TAFA2: variants seen among roughly 807,000 people sequenced by gnomAD.
The protein encoded by TAFA2 is chemokine-like protein TAFA-2.
In TAFA2, 7 loss-of-function variants were observed where a neutral mutation model predicts 18.8. The ratio of observed to expected loss-of-function variants is 0.37; its 90% CI spans 0.21 to 0.70. The LOEUF is 0.70. TAFA2 is among the 30% of genes least tolerant of loss of function. TAFA2 has a pLI of 0.53. For missense variants in TAFA2, 122 were observed against 158.1 expected (o/e 0.77, Z 1.23); for synonymous variants, 60 against 54.2 (o/e 1.11, Z -0.47).
At chr12:62,131,614 T>C (rs1483480510) in intron 1 of TAFA2, among the ~76,000 whole-genome samples, 1 of 151,830 alleles carries the variant, frequency 6.6e-6, no homozygotes, top group Admixed American at 6.6e-5. Flanking sequence ...AACAAAGCAA[T>C]AGAAACACGA....
chr12:61,859,214 A>C (rs1157316088), intron 2 of TAFA2, among the ~76,000 whole-genome samples: 1 of 152,204 alleles, frequency 6.6e-6, no homozygotes, highest in African/African-American at 2.4e-5. Flanking sequence ...CAGGACCAGG[A>C]CGGAGTGAGT....
chr12:62,026,041 G>A (rs754432148), intron 1 of TAFA2, among the ~76,000 whole-genome samples: 7 of 151,974 alleles, frequency 4.6e-5, no homozygotes, highest in East Asian at 3.9e-4. Flanking sequence ...AATGAGGATC[G>A]TTAATAATTT....
chr12:61,885,268 G>T (rs1220465276), intron 1 of TAFA2, among the ~76,000 whole-genome samples: 1 of 152,088 alleles, frequency 6.6e-6, no homozygotes, highest in Non-Finnish European at 1.5e-5. Context: ...CAATACTAGT[G>T]GGCATGCTAT....
At chr12:61,863,065 A>G (rs1444732775) in intron 2 of TAFA2, among the ~76,000 whole-genome samples, 1 of 152,188 alleles carries the variant, frequency 6.6e-6, no homozygotes, top group Non-Finnish European at 1.5e-5. Context: ...GAAATATCCA[A>G]CTGAAATGAC....
At chr12:61,826,968 T>C (rs1031165934) in intron 2 of TAFA2, among the ~76,000 whole-genome samples, 1 of 152,068 alleles carries the variant, frequency 6.6e-6, no homozygotes, top group African/African-American at 2.4e-5. Flanking sequence ...TGCAGGTTGT[T>C]CTCTACTATG....
chr12:61,812,932 A>T (rs923452432), intron 2 of TAFA2, among the ~76,000 whole-genome samples: 1 of 151,514 alleles, frequency 6.6e-6, no homozygotes, highest in South Asian at 2.1e-4. Flanking sequence ...AATATAAAAT[A>T]AAAAATATCC....
intron 1 of TAFA2, among the ~76,000 whole-genome samples, chr12:61,979,669 G>C (rs1389125032): frequency 6.6e-6 from 1 of 151,802 alleles, no homozygotes; most frequent in Non-Finnish European, 1.5e-5. Context: ...ATTAAGAAAA[G>C]AAATGAAAAG....
intron 2 of TAFA2, among the ~76,000 whole-genome samples, chr12:61,778,113 C>T (rs1009434982): frequency 1.3e-5 from 2 of 151,744 alleles, no homozygotes; most frequent in Admixed American, 6.6e-5. Context: ...AAGGGAATAG[C>T]AGTATCTACT....
chr12:62,221,263 A>AAGTT (rs1218204505), intron 1 of TAFA2, among the ~76,000 whole-genome samples: 1 of 144,200 alleles, frequency 6.9e-6, no homozygotes, highest in Non-Finnish European at 1.5e-5. Context: ...GGAAGGAAGG[A>AAGTT]AGTTTGAAAG....
intron 1 of TAFA2, among the ~76,000 whole-genome samples, chr12:62,086,044 T>C (rs1264968301): frequency 2.0e-5 from 3 of 152,102 alleles, no homozygotes; most frequent in Non-Finnish European, 4.4e-5. Context: ...TCCTGAGGTC[T>C]CCCAAGAAGC....
At chr12:62,076,155 G>T (rs1868247642) in intron 1 of TAFA2, among the ~76,000 whole-genome samples, 1 of 152,228 alleles carries the variant, frequency 6.6e-6, no homozygotes, top group East Asian at 1.9e-4. Context: ...GCCTGGTGTT[G>T]TTGTATTAAA....
chr12:62,137,772 C>T (rs1239224913), intron 1 of TAFA2, among the ~76,000 whole-genome samples: 1 of 152,072 alleles, frequency 6.6e-6, no homozygotes, highest in Admixed American at 6.6e-5. Context: ...ATACTCAACA[C>T]AGCAGCCAAA....
chr12:61,725,123 C>T (rs1057361905), intron 4 of TAFA2, among the ~76,000 whole-genome samples: 3 of 151,832 alleles, frequency 2.0e-5, no homozygotes, highest in African/African-American at 7.3e-5. Context: ...CCTTAGCCCA[C>T]TTTTTGATGG....
intron 2 of TAFA2, among the ~76,000 whole-genome samples, chr12:61,790,394 A>C (rs971035923): frequency 2.0e-5 from 3 of 151,784 alleles, no homozygotes; most frequent in Non-Finnish European, 4.4e-5. Context: ...AATCAATAAA[A>C]CTTATCCAAA....
intron 1 of TAFA2, among the ~76,000 whole-genome samples, chr12:61,973,405 T>TG (rs905123724): frequency 6.3e-4 from 93 of 148,548 alleles, no homozygotes; most frequent in African/African-American, 2.2e-3. Context: ...ATTTTTTTTT[T>TG]TTTTTTTTTA....
intron 1 of TAFA2, among the ~76,000 whole-genome samples, chr12:62,020,305 G>A (rs573411255): frequency 3.3e-4 from 51 of 152,246 alleles, no homozygotes; most frequent in Non-Finnish European, 5.1e-4. Context: ...AACACAGAGG[G>A]AATATGCCCT....
intron 1 of TAFA2, among the ~76,000 whole-genome samples, chr12:62,205,944 C>A (rs2062689745): frequency 6.6e-6 from 1 of 152,182 alleles, no homozygotes; most frequent in African/African-American, 2.4e-5. Flanking sequence ...CACAATCACT[C>A]ACTGACTCCC....
intron 1 of TAFA2, among the ~76,000 whole-genome samples, chr12:61,899,195 T>C (rs1035256214): frequency 6.6e-6 from 1 of 152,192 alleles, no homozygotes. Context: ...TCTTCCTGTC[T>C]TCTTCTGAGC....
At chr12:61,881,191 A>G (rs193036796) in intron 1 of TAFA2, among the ~76,000 whole-genome samples, 3 of 152,308 alleles carry the variant, frequency 2.0e-5, no homozygotes, top group Admixed American at 6.5e-5. Context: ...GGCTAGAAAT[A>G]AATTTAGCTG....
Sources: gnomAD v4.1 joint callset for allele counts (sites outside exome capture counted in the v4.1 genomes callset) on GRCh38, gnomAD v4.1.1 for gene constraint, MANE v1.5 for transcripts, NCBI Gene and HGNC (gene_info 2026-07-23, HGNC 2026-07-21) for gene names.